Variants in TCF4 observed in about 807,000 individuals in gnomAD.
TCF4 encodes SL3-3 enhancer factor 2.
TCF4 carries 3 observed loss-of-function variants against 82.1 expected under a neutral mutation model. The observed-to-expected ratio is 0.04, with a 90% confidence interval of 0.02 to 0.09. The LOEUF is 0.09. Ranked by LOEUF, TCF4 falls within the 10% of genes least tolerant of loss-of-function variation. TCF4 has a pLI of 1.00. For synonymous variants in TCF4, 276 were observed against 309.6 expected, an observed-to-expected ratio of 0.89 and a Z score of 1.14; for missense variants, 518 against 852.7, an observed-to-expected ratio of 0.61 and a Z score of 4.89.
chr18:55,284,768 T>C (rs2063341950), intron 8 of TCF4, among the ~76,000 whole-genome samples: 1 of 152,222 alleles, frequency 6.6e-6, no homozygotes, highest in Non-Finnish European at 1.5e-5. Context: ...CAAAGCAGAA[T>C]GGAGCCACAG....
chr18:55,514,466 A>G (rs1222575412), intron 3 of TCF4, among the ~76,000 whole-genome samples: 2 of 151,254 alleles, frequency 1.3e-5, no homozygotes, highest in Non-Finnish European at 2.9e-5. Context: ...ACCTACCACC[A>G]TGCTGGTCAG....
chr18:55,449,223 T>C (rs779926415), intron 5 of TCF4, among the ~76,000 whole-genome samples: 42 of 152,168 alleles, frequency 2.8e-4, no homozygotes, highest in Admixed American at 1.2e-3. Flanking sequence ...TTTCCTGGTT[T>C]TTCTCTAGCT....
At chr18:55,403,708 C>T (rs1298089245) in intron 5 of TCF4, 190 bp from the exon 6 acceptor site, 2 of 1,541,812 alleles carry the variant, frequency 1.3e-6, no homozygotes, top group East Asian at 2.4e-5. Flanking sequence ...AAAAAAATAT[C>T]CTTCATTCCT....
chr18:55,241,530 G>C (rs2051226300), intron 15 of TCF4, among the ~76,000 whole-genome samples: 1 of 152,206 alleles, frequency 6.6e-6, no homozygotes, highest in Non-Finnish European at 1.5e-5. Flanking sequence ...CTGGACACTT[G>C]ATTTACACTT....
At chr18:55,494,159 C>CAT (rs2096605611) in intron 3 of TCF4, among the ~76,000 whole-genome samples, 1 of 149,330 alleles carries the variant, frequency 6.7e-6, no homozygotes, top group South Asian at 2.1e-4. Flanking sequence ...ATATTATGGA[C>CAT]ACACACACAC....
At chr18:55,493,992 C>T (rs1020209180) in intron 3 of TCF4, among the ~76,000 whole-genome samples, 2 of 152,122 alleles carry the variant, frequency 1.3e-5, no homozygotes, top group Non-Finnish European at 2.9e-5. Context: ...AAATATTGGA[C>T]TTGAGGTCAC....
At chr18:55,468,849 T>A (rs2096092653) in intron 3 of TCF4, among the ~76,000 whole-genome samples, 1 of 150,170 alleles carries the variant, frequency 6.7e-6, no homozygotes, top group Admixed American at 6.7e-5. Context: ...AAAAACTGCC[T>A]GGGATGAAGC....
At chr18:55,620,278 C>T (rs1408877759) in intron 2 of TCF4, among the ~76,000 whole-genome samples, 1 of 152,110 alleles carries the variant, frequency 6.6e-6, no homozygotes, top group African/African-American at 2.4e-5. Flanking sequence ...AATACAAGGA[C>T]CTAACTTTTA....
At chr18:55,261,617 T>G in intron 11 of TCF4, 84 bp from the exon 12 acceptor site, 2 of 1,458,054 alleles carry the variant, frequency 1.4e-6, no homozygotes, top group South Asian at 2.3e-5. Context: ...ACTCACAATT[T>G]AATTGCATTT....
intron 3 of TCF4, among the ~76,000 whole-genome samples, chr18:55,512,750 A>G (rs894797760): frequency 1.3e-5 from 2 of 152,184 alleles, no homozygotes; most frequent in Non-Finnish European, 2.9e-5. Flanking sequence ...TTATTCTACT[A>G]CTGTGTATAC....
At chr18:55,480,334 T>C (rs1211880826) in intron 3 of TCF4, among the ~76,000 whole-genome samples, 3 of 146,026 alleles carry the variant, frequency 2.1e-5, no homozygotes, top group Admixed American at 6.9e-5. Flanking sequence ...TGTATTACAC[T>C]TACTGTTATG....
chr18:55,399,122 T>C (rs1038306842), intron 6 of TCF4, among the ~76,000 whole-genome samples: 13 of 152,208 alleles, frequency 8.5e-5, no homozygotes, highest in Admixed American at 7.9e-4. Flanking sequence ...ATTTTGACTT[T>C]AGATAAGAAA....
chr18:55,350,241 C>T (rs2082047120), intron 8 of TCF4, 118 bp downstream of exon 8: 2 of 1,078,798 alleles, frequency 1.9e-6, no homozygotes, highest in East Asian at 5.1e-5. Flanking sequence ...CCTCATCCAC[C>T]TTCTAGATAA....
chr18:55,243,588 T>TTTTG (rs59538396), intron 15 of TCF4, among the ~76,000 whole-genome samples: 37,467 of 151,490 alleles, frequency 0.25, 4,731 homozygotes, highest in East Asian at 0.32. Flanking sequence ...CCAACTCGTT[T>TTTTG]TTTGTTTGTT....
At chr18:55,620,286 T>C (rs912207808) in intron 2 of TCF4, among the ~76,000 whole-genome samples, 4 of 152,136 alleles carry the variant, frequency 2.6e-5, no homozygotes, top group African/African-American at 9.7e-5. Flanking sequence ...GACCTAACTT[T>C]TAAAATTTGT....
chr18:55,431,337 T>C (rs1170950522), intron 5 of TCF4, among the ~76,000 whole-genome samples: 1 of 152,178 alleles, frequency 6.6e-6, no homozygotes, highest in Non-Finnish European at 1.5e-5. Context: ...TAGAGTGCAA[T>C]GGGGCGATCT....
At chr18:55,266,350 G>A (rs142021317) in intron 11 of TCF4, 1 of 152,262 alleles carries the variant, frequency 6.6e-6, no homozygotes, top group African/African-American at 2.4e-5. Context: ...ATACCCAGTG[G>A]CATAACATTG....
At chr18:55,580,273 G>A (rs1045891570) in intron 3 of TCF4, among the ~76,000 whole-genome samples, 1 of 151,894 alleles carries the variant, frequency 6.6e-6, no homozygotes, top group African/African-American at 2.4e-5. Flanking sequence ...AGAATTGAGG[G>A]TATTGTTCTT....
chr18:55,521,237 G>A (rs1442653405), intron 3 of TCF4, among the ~76,000 whole-genome samples: 3 of 152,106 alleles, frequency 2.0e-5, no homozygotes, highest in African/African-American at 7.2e-5. Context: ...ATTCAAGTAG[G>A]AGTATTTTTA....
Sources: gnomAD v4.1 joint callset for allele counts (sites outside exome capture counted in the v4.1 genomes callset) on GRCh38, gnomAD v4.1.1 for gene constraint, MANE v1.5 for transcripts, NCBI Gene and HGNC (gene_info 2026-07-23, HGNC 2026-07-21) for gene names.